Variants in RIMBP2 observed in about 807,000 individuals in gnomAD.
The protein encoded by RIMBP2 is RIMS-binding protein 2.
Under a neutral mutation model 118.6 loss-of-function variants are expected in RIMBP2, and 48 were observed. The ratio of observed to expected loss-of-function variants is 0.40; its 90% CI spans 0.32 to 0.51. The LOEUF (loss-of-function observed/expected upper bound fraction) is 0.51. RIMBP2 is among the 20% of genes least tolerant of loss of function. The pLI is 0.41. For missense variants in RIMBP2, 1,551 were observed against 1,768.3 expected, an observed-to-expected ratio of 0.88 and a Z score of 2.20; for synonymous variants, 762 against 742.9, an observed-to-expected ratio of 1.03 and a Z score of -0.42.
At chr12:130,665,749 A>AACACACACACAC (rs61043627) in intron 1 of RIMBP2, among the ~76,000 whole-genome samples, 1 of 147,068 alleles carries the variant, frequency 6.8e-6, no homozygotes, top group African/African-American at 2.7e-5. Flanking sequence ...CTGGACCAGA[A>AACACACACACAC]ACACACACAC....
chr12:130,491,097 C>A (rs1478438640), intron 4 of RIMBP2, among the ~76,000 whole-genome samples: 1 of 152,196 alleles, frequency 6.6e-6, no homozygotes, highest in African/African-American at 2.4e-5. Flanking sequence ...CAGCCCAGCT[C>A]CAGACATCAG....
chr12:130,677,421 A>G lies in RIMBP2; in HGVS notation c.-352+38801T>C, dbSNP rs1333416159. Among the ~76,000 whole-genome samples, 3 of 152,116 alleles carry G rather than the reference A, an allele frequency of 2.0e-5. No homozygotes were observed. In the East Asian group the frequency reaches 5.8e-4, roughly 29 times the overall value. ...GGCAGGCAGATCACCTGAGGTCAGG[A>G]GTTCGAGACCAGCCTGGCCAACATG... On this transcript the variant is annotated intron_variant, in intron 1 of 22. Coordinates refer to ENST00000690449, the MANE Select transcript of RIMBP2 (RefSeq NM_001393629.1).
chr12:130,608,516 C>A (rs1157403945), intron 2 of RIMBP2, among the ~76,000 whole-genome samples: 1 of 152,202 alleles, frequency 6.6e-6, no homozygotes, highest in South Asian at 2.1e-4. Context: ...AGGGAAGTCT[C>A]AGCTCCCCAG....
chr12:130,470,788 G>A (rs905112802), intron 5 of RIMBP2, 45 bp from the exon 6 acceptor site: 7 of 1,136,598 alleles, frequency 6.2e-6, no homozygotes, highest in Non-Finnish European at 7.8e-6. Flanking sequence ...GTCCAAAGGG[G>A]AAAGAAGACA....
chr12:130,414,937 T>C (rs1191706728), intron 17 of RIMBP2, among the ~76,000 whole-genome samples: 1 of 152,168 alleles, frequency 6.6e-6, no homozygotes, highest in African/African-American at 2.4e-5. Context: ...TAGACCAATA[T>C]TGATGAAATG....
chr12:130,635,443 T>C (rs1385481800), intron 1 of RIMBP2, among the ~76,000 whole-genome samples: 1 of 152,160 alleles, frequency 6.6e-6, no homozygotes, highest in Non-Finnish European at 1.5e-5. Context: ...GACTCTGCTG[T>C]GGTTACAAAT....
intron 17 of RIMBP2, among the ~76,000 whole-genome samples, chr12:130,415,251 G>A (rs2076030099): frequency 6.6e-6 from 1 of 152,110 alleles, no homozygotes; most frequent in Non-Finnish European, 1.5e-5. Context: ...TTCAACATAT[G>A]CAAATCAATA....
At chr12:130,667,060 G>GAA (rs2063961246) in intron 1 of RIMBP2, among the ~76,000 whole-genome samples, 1 of 66,498 alleles carries the variant, frequency 1.5e-5, no homozygotes, top group African/African-American at 5.5e-5. Context: ...AGGGAGAAAA[G>GAA]GAAGAAGGGA....
chr12:130,412,021 GC>G (rs2075758782), intron 19 of RIMBP2, among the ~76,000 whole-genome samples: 5 of 151,940 alleles, frequency 3.3e-5, no homozygotes, highest in Admixed American at 2.6e-4. Flanking sequence ...GACTACAGAG[GC>G]TTTTTTTAAT....
chr12:130,436,635 C>T (rs762237711), intron 13 of RIMBP2, among the ~76,000 whole-genome samples: 30 of 152,188 alleles, frequency 2.0e-4, no homozygotes, highest in Non-Finnish European at 2.5e-4. Flanking sequence ...AGTTATGTGG[C>T]TACATATTAG....
intron 2 of RIMBP2, among the ~76,000 whole-genome samples, chr12:130,558,707 C>A (rs7303484): frequency 2.6e-5 from 4 of 152,244 alleles, no homozygotes; most frequent in South Asian, 4.2e-4. Flanking sequence ...GGGCTGGTCC[C>A]AGCAGCGCAT....
chr12:130,646,157 A>AAAAGGGATTGTTT (rs1566422448), intron 1 of RIMBP2, among the ~76,000 whole-genome samples: 4 of 81,368 alleles, frequency 4.9e-5, no homozygotes, highest in East Asian at 3.1e-4. Context: ...CTGCCTCTCC[A>AAAAGGGATTGTTT]CCTCCCTCAC....
chr12:130,645,037 T>G (rs556362903), intron 1 of RIMBP2, among the ~76,000 whole-genome samples: 4 of 152,230 alleles, frequency 2.6e-5, no homozygotes, highest in Admixed American at 6.5e-5. Flanking sequence ...TAGTTTGAAA[T>G]CAGTTGTGGT....
intron 2 of RIMBP2, among the ~76,000 whole-genome samples, chr12:130,537,135 G>C (rs1051774684): frequency 6.6e-6 from 1 of 152,096 alleles, no homozygotes; most frequent in South Asian, 2.1e-4. Context: ...GGGGTTCCAG[G>C]GCAGAACAAT....
At chr12:130,618,524 T>C (rs1209511128) in intron 2 of RIMBP2, among the ~76,000 whole-genome samples, 1 of 151,868 alleles carries the variant, frequency 6.6e-6, no homozygotes, top group Non-Finnish European at 1.5e-5. Flanking sequence ...GTTCAGCAGG[T>C]GGGGAAGGAT....
chr12:130,418,215 T>C (rs1370022428), intron 17 of RIMBP2, among the ~76,000 whole-genome samples: 1 of 152,260 alleles, frequency 6.6e-6, no homozygotes, highest in Non-Finnish European at 1.5e-5. Flanking sequence ...AGAGTCTTTT[T>C]TGAATGCCTA....
intron 2 of RIMBP2, among the ~76,000 whole-genome samples, chr12:130,565,713 GTCTT>G (rs992561762): frequency 1.8e-4 from 27 of 152,216 alleles, no homozygotes; most frequent in African/African-American, 6.3e-4. Flanking sequence ...CATGTTTGGG[GTCTT>G]TCTTTGTAGA....
chr12:130,424,137 C>T lies in RIMBP2; in HGVS notation c.3129+5G>A. 3 of 1,227,432 alleles carry T rather than the reference C, an allele frequency of 2.4e-6. No individual in the cohort carries two copies. Among genetic ancestry groups the T allele is most frequent in the Non-Finnish European group, 3.0e-6 (3 of 983,688 alleles). 76.0% of individuals were successfully genotyped at this position (1,227,432 alleles called of 1,614,324 possible). A position where few individuals can be genotyped will look rare whatever the true frequency, so the allele number is the denominator to read the frequency against. The stretch of plus-strand genomic sequence containing the variant: ...GGCTGTGAAAAGGAAGTTTAGGTCA[C>T]ACACCAGGGGGCCTTGTGCGACTCT... On this transcript the variant is annotated splice_donor_5th_base_variant and intron_variant, in intron 16 of 22. Coordinates refer to ENST00000690449, the MANE Select transcript of RIMBP2 (RefSeq NM_001393629.1). This position sits in a 1 kb window ranked among gnomAD's most constrained non-coding sequence, Gnocchi z 9.8.
chr12:130,659,625 A>T (rs1054712925), intron 1 of RIMBP2, among the ~76,000 whole-genome samples: 2 of 151,424 alleles, frequency 1.3e-5, no homozygotes, highest in Admixed American at 1.3e-4. Flanking sequence ...ATTTTATTTC[A>T]CTCAATATAT....
Sources: allele counts gnomAD v4.1 joint callset (sites outside exome capture counted in the v4.1 genomes callset), GRCh38; gene constraint gnomAD v4.1.1; non-coding constraint Gnocchi (gnomAD v3.1); transcripts MANE v1.5; gene names NCBI Gene and HGNC (gene_info 2026-07-23, HGNC 2026-07-21).